The following MEGF6 variants were observed in gnomAD, a reference collection of about 807,000 sequenced individuals.
MEGF6 encodes multiple EGF like domains 6, also known as multiple epidermal growth factor-like domains protein 6.
Under a neutral mutation model 207.1 loss-of-function variants are expected in MEGF6, and 184 were observed. That is an observed-to-expected ratio of 0.89 (90% CI 0.79 to 1.00). The LOEUF (loss-of-function observed/expected upper bound fraction) is 1.00. Among genes scored for constraint, MEGF6 ranks in the 50% least tolerant of loss-of-function variants. The probability of loss-of-function intolerance (pLI) is 0.00; values close to 1 mark genes in which losing one functional copy is unlikely to be tolerated. For missense variants in MEGF6, 2,282 were observed against 2,202.9 expected (o/e 1.04, Z -0.72); for synonymous variants, 1,038 against 910.0 (o/e 1.14, Z -2.53).
intron 3 of MEGF6, among the ~76,000 whole-genome samples, chr1:3,587,897 C>G (rs80233106): frequency 2.5e-4 from 1 of 4,006 alleles, no homozygotes; most frequent in African/African-American, 8.0e-4. Context: ...CAGGAGGGGG[C>G]AGGAGTGGCC....
the MEGF6 span, chr1:3,623,702 T>C: frequency 6.6e-6 from 1 of 152,306 alleles, no homozygotes; most frequent in Non-Finnish European, 1.5e-5. Context: ...GTATTGGGTC[T>C]TTCTGCCAGC....
chr1:3,585,757 C>T (rs1203869437), intron 3 of MEGF6, among the ~76,000 whole-genome samples: 1 of 126,850 alleles, frequency 7.9e-6, no homozygotes, highest in Admixed American at 8.3e-5. Flanking sequence ...TGACACATGT[C>T]CTGTGTGTGA....
At chr1:3,548,886 C>T (rs1229674234) in intron 4 of MEGF6, among the ~76,000 whole-genome samples, 1 of 152,184 alleles carries the variant, frequency 6.6e-6, no homozygotes, top group Admixed American at 6.5e-5. Flanking sequence ...CCCCCACACC[C>T]ACAGGAAAAG....
intron 4 of MEGF6, among the ~76,000 whole-genome samples, chr1:3,557,850 T>C (rs576986749): frequency 1.3e-5 from 2 of 152,194 alleles, no homozygotes; most frequent in Non-Finnish European, 2.9e-5. Context: ...GTCTAATCTA[T>C]GAGGCGCCGT....
intron 30 of MEGF6, 102 bp from the exon 31 acceptor site, chr1:3,494,843 T>G (rs565629339): frequency 1.4e-6 from 2 of 1,435,270 alleles, no homozygotes; most frequent in Admixed American, 2.7e-5. Context: ...AAATGCTTCC[T>G]GAGGCCCATC....
At chr1:3,540,589 G>T (rs985976431) in intron 4 of MEGF6, among the ~76,000 whole-genome samples, 1 of 152,238 alleles carries the variant, frequency 6.6e-6, no homozygotes, top group Non-Finnish European at 1.5e-5. Context: ...GCTCCTACAG[G>T]ACGCCTTAGT....
intron 4 of MEGF6, among the ~76,000 whole-genome samples, chr1:3,561,327 T>A (rs887955046): frequency 1.3e-5 from 2 of 152,114 alleles, no homozygotes; most frequent in African/African-American, 2.4e-5. Flanking sequence ...GACTCAGGCA[T>A]CTGGAAGGGC....
chr1:3,506,608 C>T (rs2101005183), intron 14 of MEGF6, among the ~76,000 whole-genome samples: 2 of 152,296 alleles, frequency 1.3e-5, no homozygotes, highest in Middle Eastern at 3.4e-3. Flanking sequence ...ACACGTGGCC[C>T]CAGTAGACAA....
At chr1:3,509,761 G>C in intron 11 of MEGF6, 109 bp downstream of exon 11, 1 of 1,390,282 alleles carries the variant, frequency 7.2e-7, no homozygotes, top group African/African-American at 1.5e-5. Flanking sequence ...GGGGGCAAAG[G>C]ACCCCAGGCA....
chr1:3,498,740 A>G lies in MEGF6; in HGVS notation c.3181T>C (p.Cys1061Arg), dbSNP rs1370883172. 1.3e-6 allele frequency: 2 copies of G among 1,565,558 alleles called. No individual in the cohort carries two copies. The highest frequency in any genetic ancestry group is 2.3e-5 in the South Asian group (2 of 85,518). ...GGTCDPVSGH[C>R]ACPEGWAGLA... is the part of the protein sequence containing the mutation. ...CCGGCCCAGCCCTCTGGGCACGCAC[A>G]GTGGCCTGAGACAGGGTCACAGGTC... Residue 1061 changes from cysteine to arginine, a missense_variant, in exon 25 of 37, where the codon TGT becomes CGT. Cys to Arg is a radical substitution (Grantham distance 180). Transcript: ENST00000356575.
At position 3,499,941 on chromosome 1, in the gene MEGF6, C is replaced by T. The variant is rs185163947; in HGVS notation, c.2708-17G>A. On this transcript the variant is annotated splice_polypyrimidine_tract_variant and intron_variant, in intron 21 of 36. Transcript: ENST00000356575. ...GGGGACACTCTGAGATATGCAGCCC[C>T]GGCCCACAGTCAGCCAGAGGGCCAG... The T allele has an allele frequency of 5.6e-5, 86 of 1,547,608 alleles. 3 individuals are homozygous for T. In the South Asian group the frequency reaches 7.9e-4, roughly 14 times the overall value.
intron 4 of MEGF6, among the ~76,000 whole-genome samples, chr1:3,564,960 C>T (rs1413162655): frequency 6.6e-6 from 1 of 152,168 alleles, no homozygotes; most frequent in African/African-American, 2.4e-5. Context: ...CATTCTCCAG[C>T]CCCATATCCT....
intron 2 of MEGF6, 113 bp downstream of exon 2, chr1:3,602,351 CGT>C: frequency 6.9e-7 from 1 of 1,448,846 alleles, no homozygotes; most frequent in East Asian, 2.5e-5. Context: ...GCAGGGGTTG[CGT>C]GTGGCCCTGA....
At chr1:3,492,963 C>T in intron 34 of MEGF6, 196 bp from the exon 35 acceptor site, 1 of 667,330 alleles carries the variant, frequency 1.5e-6, no homozygotes, top group South Asian at 2.1e-5. Flanking sequence ...TCCTCAGCTA[C>T]ATTCTGCAGC....
chr1:3,613,531 C>T (rs1644353446), upstream of MEGF6, among the ~76,000 whole-genome samples: 1 of 152,166 alleles, frequency 6.6e-6, no homozygotes, highest in Admixed American at 6.5e-5. Context: ...CTGCTGAATT[C>T]CAGCCGGCCC....
intron 1 of MEGF6, among the ~76,000 whole-genome samples, chr1:3,609,819 G>A (rs536581598): frequency 1.3e-5 from 2 of 152,304 alleles, no homozygotes; most frequent in South Asian, 4.1e-4. Context: ...GGTCGCTGAC[G>A]GTTTCCACAG....
Position 3,508,685 on chromosome 1 carries a change from G to A in MEGF6, c.1533C>T (p.Cys511=). 6.2e-7 allele frequency: 1 copy of A among 1,613,094 alleles called. No individual in the cohort carries two copies. The highest frequency in any genetic ancestry group is 8.5e-7 in the Non-Finnish European group (1 of 1,179,844). Reference sequence around the variant, plus strand: ...AGTCATGGCCAAAGGAGTCATCCAGGCAGACTGGGGGCAGACCAGGATGGG... The same window carrying A: ...AGTCATGGCCAAAGGAGTCATCCAGACAGACTGGGGGCAGACCAGGATGGG... ...GEHTLTEKFV[C]LDDSFGHDCS... is the part of the protein sequence containing the mutation. The change falls in exon 13 of 37, where the codon TGC becomes TGT. Residue 511 remains cysteine (C), a synonymous_variant. Transcript: ENST00000356575.
rs1390731102 is a variant in MEGF6 at position 3,490,507 on chromosome 1, G to A, written c.*21C>T. 1.2e-6 allele frequency: 2 copies of A among 1,611,942 alleles called. No individual in the cohort carries two copies. The highest frequency in any genetic ancestry group is 1.7e-6 in the Non-Finnish European group (2 of 1,179,552). On this transcript the variant is annotated 3_prime_UTR_variant, in exon 37 of 37. Coordinates refer to ENST00000356575, the MANE Select transcript of MEGF6 (RefSeq NM_001409.4). ...CCCTCTGGCTGGGACTGGAGAGGCG[G>A]GCTCCACGGGACTGCCTCTACTAGT...
intron 29 of MEGF6, 61 bp from the exon 30 acceptor site, chr1:3,496,079 C>CG: frequency 1.4e-6 from 2 of 1,460,196 alleles, no homozygotes; most frequent in Non-Finnish European, 1.8e-6. Flanking sequence ...CGGTCAACCC[C>CG]GGAGTGGGGA....
Sources: gnomAD v4.1 joint callset for allele counts (sites outside exome capture counted in the v4.1 genomes callset) on GRCh38, gnomAD v4.1.1 for gene constraint, MANE v1.5 for transcripts, NCBI Gene and HGNC (gene_info 2026-07-23, HGNC 2026-07-21) for gene names.